RPS6KA2: variants seen among roughly 807,000 people sequenced by gnomAD.
RPS6KA2 encodes the protein ribosomal protein S6 kinase alpha-2.
In RPS6KA2, 42 loss-of-function variants were observed where a neutral mutation model predicts 91.8. The ratio of observed to expected loss-of-function variants is 0.46; its 90% CI spans 0.36 to 0.59. The LOEUF is 0.59. Among genes scored for constraint, RPS6KA2 ranks in the 20% least tolerant of loss-of-function variants. The pLI is 0.00. For synonymous variants in RPS6KA2, 414 were observed against 393.6 expected (o/e 1.05, Z -0.61); for missense variants, 798 against 978.5 (o/e 0.82, Z 2.46).
At chr6:166,511,602 G>A (rs776750846) in intron 3 of RPS6KA2, among the ~76,000 whole-genome samples, 9 of 152,110 alleles carry the variant, frequency 5.9e-5, no homozygotes, top group Non-Finnish European at 1.2e-4. Flanking sequence ...GGCAGTATCC[G>A]GGACCTCACA....
intron 13 of RPS6KA2, among the ~76,000 whole-genome samples, chr6:166,449,787 C>G: frequency 8.6e-6 from 1 of 116,878 alleles, no homozygotes; most frequent in East Asian, 2.2e-4. Context: ...CAGGGACCAC[C>G]ATGGGAGCCA....
chr6:166,780,973 C>G (rs982048095), intron 2 of RPS6KA2, among the ~76,000 whole-genome samples: 1 of 152,246 alleles, frequency 6.6e-6, no homozygotes, highest in Non-Finnish European at 1.5e-5. Flanking sequence ...TATTCGGACA[C>G]TTCGCTAGCA....
At chr6:166,482,684 CGTTGGAGGAGAGAAAACCCACCCA>C (rs1297826588) in intron 10 of RPS6KA2, among the ~76,000 whole-genome samples, 1 of 152,030 alleles carries the variant, frequency 6.6e-6, no homozygotes, top group Non-Finnish European at 1.5e-5. Flanking sequence ...CAGGGTTAGC[CGTTGGAGGAGAGAAAACCCACCCA>C]AATTAGTGAA....
At chr6:166,741,611 G>T (rs922439264) in intron 2 of RPS6KA2, among the ~76,000 whole-genome samples, 1 of 152,224 alleles carries the variant, frequency 6.6e-6, no homozygotes, top group African/African-American at 2.4e-5. Flanking sequence ...TGTGCTGAGG[G>T]ATCACCCACT....
At chr6:166,753,994 C>T (rs183916981) in intron 2 of RPS6KA2, among the ~76,000 whole-genome samples, 78 of 152,300 alleles carry the variant, frequency 5.1e-4, no homozygotes, top group Admixed American at 8.5e-4. Flanking sequence ...TAATGCTCTC[C>T]TGTGCCGTCC....
At chr6:166,685,251 C>G (rs547264577) in intron 2 of RPS6KA2, among the ~76,000 whole-genome samples, 1 of 146,616 alleles carries the variant, frequency 6.8e-6, no homozygotes, top group Non-Finnish European at 1.5e-5. Flanking sequence ...GGACAGAGGC[C>G]GAGGAAAGCT....
intron 1 of RPS6KA2, among the ~76,000 whole-genome samples, chr6:166,614,054 C>T (rs1583327778): frequency 6.6e-6 from 1 of 152,206 alleles, no homozygotes; most frequent in African/African-American, 2.4e-5. Flanking sequence ...TGAGCCACAT[C>T]TCCCCCAGAA....
intron 2 of RPS6KA2, among the ~76,000 whole-genome samples, chr6:166,643,526 T>G (rs1787513211): frequency 6.6e-6 from 1 of 152,192 alleles, no homozygotes; most frequent in Non-Finnish European, 1.5e-5. Flanking sequence ...AATTCTAAGC[T>G]TACATGCACC....
intron 2 of RPS6KA2, among the ~76,000 whole-genome samples, chr6:166,536,497 C>A (rs148482041): frequency 6.6e-6 from 1 of 152,218 alleles, no homozygotes; most frequent in Non-Finnish European, 1.5e-5. Context: ...TGGACAAATA[C>A]AATTTGTATC....
At chr6:166,551,890 G>A (rs754901098) in intron 1 of RPS6KA2, among the ~76,000 whole-genome samples, 2 of 152,164 alleles carry the variant, frequency 1.3e-5, no homozygotes, top group African/African-American at 2.4e-5. Context: ...TACAAATTAC[G>A]GATTTCCGAA....
chr6:166,474,351 G>GGTGTGCTGTGAAGACAGCAC (rs1310001899), intron 10 of RPS6KA2, among the ~76,000 whole-genome samples: 1 of 152,232 alleles, frequency 6.6e-6, no homozygotes, highest in Non-Finnish European at 1.5e-5. Context: ...ACAGGCAGCA[G>GGTGTGCTGTGAAGACAGCAC]GTGTGCTGTG....
intron 2 of RPS6KA2, among the ~76,000 whole-genome samples, chr6:166,641,158 G>A (rs1582975503): frequency 6.6e-6 from 1 of 152,236 alleles, no homozygotes. Context: ...TTTCTAAGGG[G>A]CATGAGCTCG....
chr6:166,592,737 GC>G (rs1785398221), intron 1 of RPS6KA2, among the ~76,000 whole-genome samples: 3 of 152,248 alleles, frequency 2.0e-5, no homozygotes, highest in Admixed American at 2.0e-4. Context: ...CCTGCGGTCT[GC>G]CCTTACATTC....
intron 1 of RPS6KA2, among the ~76,000 whole-genome samples, chr6:166,568,291 G>T (rs757828499): frequency 5.3e-5 from 8 of 152,162 alleles, no homozygotes; most frequent in Non-Finnish European, 7.3e-5. Context: ...TGTTCTCAGA[G>T]GACTGCATTA....
At position 166,500,268 on chromosome 6, in the gene RPS6KA2, G is replaced by A. The variant is rs540642217; in HGVS notation, c.604+619C>T. 2.0e-5 allele frequency among the ~76,000 whole-genome samples: 3 copies of A among 152,332 alleles called. No individual in the cohort carries two copies. Among genetic ancestry groups the A allele is most frequent in the Non-Finnish European group, 2.9e-5 (2 of 68,028 alleles). ...ATAAGTTTGTGTGGTTTAAAGCCCC[G>A]ATGTTCCTGGCATTTTGTTGCAGAT... On this transcript the variant is annotated intron_variant, in intron 7 of 20. Transcript: ENST00000265678. The surrounding 1 kb of genome is among the most constrained non-coding windows in gnomAD (Gnocchi z 4.3).
At position 166,438,385 on chromosome 6, in the gene RPS6KA2, G is replaced by T. The variant is rs911074628; in HGVS notation, c.1333-5895C>A. On this transcript the variant is annotated intron_variant, in intron 14 of 20. Coordinates refer to ENST00000265678, the MANE Select transcript of RPS6KA2 (RefSeq NM_021135.6). ...GACTGGAGCCTCCTCAGGAAGGCTG[G>T]CCCGCGCTCCAGGCCTGCGTGGTCA... 2.0e-5 allele frequency among the ~76,000 whole-genome samples: 3 copies of T among 152,362 alleles called. No individual in the cohort carries two copies. The East Asian group carries it at 5.8e-4, about 29-fold the overall frequency.
intron 2 of RPS6KA2, among the ~76,000 whole-genome samples, chr6:166,777,204 G>A (rs185300434): frequency 6.6e-6 from 1 of 152,218 alleles, no homozygotes; most frequent in Non-Finnish European, 1.5e-5. Flanking sequence ...GGGAGACATC[G>A]AACTTGTCCT....
chr6:166,832,914 T>A (rs1780223351), intron 2 of RPS6KA2, among the ~76,000 whole-genome samples: 1 of 152,262 alleles, frequency 6.6e-6, no homozygotes, highest in Non-Finnish European at 1.5e-5. Flanking sequence ...AATGTTCACA[T>A]TAAAATGTCT....
chr6:166,847,649 T>A (rs1165379247), intron 2 of RPS6KA2, among the ~76,000 whole-genome samples: 1 of 151,972 alleles, frequency 6.6e-6, no homozygotes, highest in Non-Finnish European at 1.5e-5. Context: ...AACAAAAACA[T>A]AAAGTAGGGA....
Sources: gnomAD v4.1 joint callset for allele counts (sites outside exome capture counted in the v4.1 genomes callset) on GRCh38, gnomAD v4.1.1 for gene constraint, Gnocchi (gnomAD v3.1) non-coding constraint, MANE v1.5 for transcripts, NCBI Gene and HGNC (gene_info 2026-07-23, HGNC 2026-07-21) for gene names.